The following NUP62 variants were observed in gnomAD, a reference collection of about 807,000 sequenced individuals.
The protein encoded by NUP62 is nuclear pore glycoprotein p62.
For missense variants in NUP62, 647 were observed against 689.4 expected (o/e 0.94, Z 0.69); for synonymous variants, 305 against 303.4 (o/e 1.01, Z -0.05).
chr19:49,917,620 T>A, intron 2 of NUP62: 1 of 151,940 alleles, frequency 6.6e-6, no homozygotes, highest in African/African-American at 2.4e-5. Context: ...AGACTCTGTG[T>A]GGGAGGAGTG....
chr19:49,928,360 A>G (rs2075960499), intron 1 of NUP62: 1 of 152,192 alleles, frequency 6.6e-6, no homozygotes, highest in Admixed American at 6.5e-5. Flanking sequence ...TACTAAAAAT[A>G]CAAAAAATTA....
intron 2 of NUP62, among the ~76,000 whole-genome samples, chr19:49,915,289 G>A (rs75881043): frequency 2.6e-5 from 4 of 152,282 alleles, no homozygotes; most frequent in East Asian, 1.9e-4. Context: ...GCTTATCCAC[G>A]TGAGCCCCAG....
chr19:49,925,701 A>G (rs2075870395), intron 2 of NUP62, among the ~76,000 whole-genome samples: 1 of 152,194 alleles, frequency 6.6e-6, no homozygotes, highest in Admixed American at 6.5e-5. Flanking sequence ...TTAAGTAACA[A>G]CTACCAAAAT....
chr19:49,925,449 CAAAAAA>C (rs56199048), intron 2 of NUP62, among the ~76,000 whole-genome samples: 46 of 132,854 alleles, frequency 3.5e-4, no homozygotes, highest in Non-Finnish European at 6.4e-4. Context: ...TAAAAAAAGC[CAAAAAA>C]AAAAAAAAAT....
chr19:49,929,344 TC>T lies in NUP62; in HGVS notation c.-219del. On this transcript the variant is annotated 5_prime_UTR_variant, in exon 1 of 3. Coordinates refer to ENST00000352066, the MANE Select transcript of NUP62 (RefSeq NM_016553.5). ...CGCTCACCACGCCTGCGCTCTCCGC[TC>T]CCACCTTCTTTCTTCAGCCGAGGCC... is the stretch of plus-strand genomic sequence containing the variant. 6.5e-6 allele frequency: 1 copy of T among 154,686 alleles called. No homozygotes were observed. The highest frequency in any genetic ancestry group is 1.9e-4 in the East Asian group (1 of 5,276). 9.6% of individuals were successfully genotyped at this position (154,686 alleles called of 1,614,324 possible).
At chr19:49,911,117 GTCT>G (rs1482116049) in intron 2 of NUP62, 1 of 152,196 alleles carries the variant, frequency 6.6e-6, no homozygotes, top group African/African-American at 2.4e-5. Context: ...TGTTGCCCTG[GTCT>G]TCAACTCCTG....
chr19:49,916,990 G>GGT (rs762223648), intron 2 of NUP62, among the ~76,000 whole-genome samples: 11 of 152,254 alleles, frequency 7.2e-5, no homozygotes, highest in African/African-American at 9.6e-5. Flanking sequence ...GCCACCTGGT[G>GGT]GCACTGCTGA....
At chr19:49,929,269 C>G (rs1372838333) in intron 1 of NUP62, 57 bp downstream of exon 1, 2 of 153,410 alleles carry the variant, frequency 1.3e-5, no homozygotes, top group Non-Finnish European at 2.9e-5. Context: ...TGCGTAGCCC[C>G]GGCCATGGCT....
intron 2 of NUP62, among the ~76,000 whole-genome samples, chr19:49,923,086 CA>C (rs1432004306): frequency 6.6e-6 from 1 of 150,828 alleles, no homozygotes; most frequent in African/African-American, 2.4e-5. Flanking sequence ...TTTTTTTTTG[CA>C]TAAGAGCTGT....
intron 2 of NUP62, among the ~76,000 whole-genome samples, chr19:49,911,737 T>C (rs574182207): frequency 3.3e-5 from 5 of 152,326 alleles, no homozygotes; most frequent in Admixed American, 2.6e-4. Flanking sequence ...GCATTCAAAA[T>C]ACACAAGGCT....
chr19:49,924,921 GCA>G (rs1301074398), intron 2 of NUP62, among the ~76,000 whole-genome samples: 1 of 152,124 alleles, frequency 6.6e-6, no homozygotes, highest in Non-Finnish European at 1.5e-5. Context: ...AGCATAAACC[GCA>G]CATAGCCAGC....
chr19:49,908,102 C>T lies in NUP62; in HGVS notation c.*137G>A, dbSNP rs145144537. On this transcript the variant is annotated 3_prime_UTR_variant, in exon 3 of 3. Coordinates refer to ENST00000352066, the MANE Select transcript of NUP62 (RefSeq NM_016553.5). ...AAATGGAAAAACGCAAAGCACACAG[C>T]GATCATGTCAAGGGCAGTCATGTGA... 1,335 of 1,487,532 alleles carry T rather than the reference C, an allele frequency of 9.0e-4. 13 individuals carry two copies. The African/African-American group carries it at 0.016, about 18-fold the overall frequency. 92.1% of individuals were successfully genotyped at this position (1,487,532 alleles called of 1,614,324 possible).
intron 2 of NUP62, among the ~76,000 whole-genome samples, chr19:49,925,812 T>C (rs2075872898): frequency 6.6e-6 from 1 of 152,220 alleles, no homozygotes; most frequent in Non-Finnish European, 1.5e-5. Flanking sequence ...TGTAAAATGT[T>C]AATGGAAAAA....
Position 49,908,072 on chromosome 19 carries a change from C to T in NUP62, c.*167G>A. 1 of 1,422,472 alleles carries T rather than the reference C, an allele frequency of 7.0e-7. No individual in the cohort carries two copies. Among genetic ancestry groups the T allele is most frequent in the Non-Finnish European group, 9.3e-7 (1 of 1,076,294 alleles). The allele number at this position is 1,422,472 out of a possible 1,614,324, so 88.1% of individuals were successfully genotyped here. A position where few individuals can be genotyped will look rare whatever the true frequency, so the allele number is the denominator to read the frequency against. On this transcript the variant is annotated 3_prime_UTR_variant, in exon 3 of 3. Transcript: ENST00000352066. The stretch of plus-strand genomic sequence containing the variant: ...GCCTGGGCAGAAGGCCCAGAATACC[C>T]TCCTAAATGGAAAAACGCAAAGCAC...
At position 49,908,826 on chromosome 19, in the gene NUP62, T is replaced by C. The variant is rs1430314928; in HGVS notation, c.982A>G (p.Met328Val). The stretch of plus-strand genomic sequence containing the variant: ...AGGCTCTCCAGCTGCGCGTAGGTCA[T>C]GGCGGAGCTGGCAGCCGCCCCTGCA... ...AAAGAAASSAMTYAQLESLIN... is the reference protein window; with the variant it reads ...AAAGAAASSAVTYAQLESLIN... Residue 328 changes from methionine to valine, a missense_variant, in exon 3 of 3, where the codon ATG (methionine) becomes GTG (valine). By Grantham distance (21) the Met-to-Val change is conservative (BLOSUM62 1). Coordinates refer to ENST00000352066, the MANE Select transcript of NUP62 (RefSeq NM_016553.5). The C allele has an allele frequency of 1.9e-6, 3 of 1,613,004 alleles. No homozygotes were observed. Among genetic ancestry groups the C allele is most frequent in the East Asian group, 2.2e-5 (1 of 44,908 alleles).
chr19:49,910,446 A>ACTC (rs1369586701), intron 2 of NUP62, among the ~76,000 whole-genome samples: 10 of 151,744 alleles, frequency 6.6e-5, no homozygotes, highest in Non-Finnish European at 1.3e-4. Context: ...GGACACTGGA[A>ACTC]CTCCTCCTCC....
rs774107779 is a variant in NUP62, at chr19:49,908,414, G to A, written c.1394C>T (p.Ala465Val). 1 of 1,614,182 alleles carries A rather than the reference G, an allele frequency of 6.2e-7. No individual in the cohort carries two copies. The highest frequency in any genetic ancestry group is 8.5e-7 in the Non-Finnish European group (1 of 1,180,046). The change falls in exon 3 of 3, where the codon GCC becomes GTC. Residue 465 changes from alanine (A) to valine (V), a missense_variant. Transcript: ENST00000352066. ...CTGCTGCAGTGGGTCACTGGTGTCG[G>A]CGGGGGCCCCGGACGTGTTCAGGTG... ...IEHLNTSGAP[A>V]DTSDPLQQIC... is the part of the protein sequence containing the mutation.
chr19:49,909,971 G>A (rs370426185), intron 2 of NUP62, 87 bp from the exon 3 acceptor site: 149 of 735,862 alleles, frequency 2.0e-4, no homozygotes, highest in East Asian at 1.9e-3. Flanking sequence ...TTTGGAGGGT[G>A]GTGGGATGGG....
chr19:49,912,199 T>C (rs1289471642), intron 2 of NUP62, among the ~76,000 whole-genome samples: 1 of 139,250 alleles, frequency 7.2e-6, no homozygotes, highest in Non-Finnish European at 1.5e-5. Context: ...GACGGGAGTC[T>C]CGCTCTGTTG....
Sources: allele counts gnomAD v4.1 joint callset (sites outside exome capture counted in the v4.1 genomes callset), GRCh38; gene constraint gnomAD v4.1.1; transcripts MANE v1.5; gene names NCBI Gene and HGNC (gene_info 2026-07-23, HGNC 2026-07-21).